Variants in UBN2 observed in about 807,000 individuals in gnomAD.
UBN2 encodes the protein ubinuclein-2.
Under a neutral mutation model 120.2 loss-of-function variants are expected in UBN2, and 35 were observed. That is an observed-to-expected ratio of 0.29 (90% CI 0.22 to 0.39). UBN2 has a LOEUF of 0.39. Ranked by LOEUF, UBN2 falls within the 10% of genes least tolerant of loss-of-function variation. UBN2 has a pLI of 1.00. For synonymous variants in UBN2, 661 were observed against 648.7 expected, an observed-to-expected ratio of 1.02 and a Z score of -0.29; for missense variants, 1,693 against 1,663.2, an observed-to-expected ratio of 1.02 and a Z score of -0.31.
chr7:139,274,730 C>G (rs1797388420), intron 11 of UBN2, among the ~76,000 whole-genome samples: 1 of 151,054 alleles, frequency 6.6e-6, no homozygotes, highest in Non-Finnish European at 1.5e-5. Flanking sequence ...CCATTGCACT[C>G]CAGCCTGGGC....
At chr7:139,272,944 G>A (rs192372081) in intron 9 of UBN2, among the ~76,000 whole-genome samples, 2 of 152,334 alleles carry the variant, frequency 1.3e-5, no homozygotes, top group Non-Finnish European at 2.9e-5. Flanking sequence ...GCACTCAGTT[G>A]CTTTGCAGTC....
intron 1 of UBN2, among the ~76,000 whole-genome samples, chr7:139,234,972 A>G (rs986630013): frequency 7.9e-5 from 12 of 152,168 alleles, no homozygotes; most frequent in African/African-American, 2.9e-4. Flanking sequence ...CTGAAAAAAC[A>G]AAAAAGCTTA....
chr7:139,269,389 G>T lies in UBN2; in HGVS notation c.1467-5G>T. On this transcript the variant is annotated splice_polypyrimidine_tract_variant and splice_region_variant and intron_variant, in intron 7 of 17. Coordinates refer to ENST00000473989, the MANE Select transcript of UBN2 (RefSeq NM_173569.4). ...CTGTTCATTGTTGTTAACTTTTTTGGCCAGCATTGAGTTACAGCTACAAGA... is the reference window on the plus strand; with the variant it reads ...CTGTTCATTGTTGTTAACTTTTTTGTCCAGCATTGAGTTACAGCTACAAGA... 6.2e-7 allele frequency: 1 copy of T among 1,610,342 alleles called. No homozygotes were observed. The highest frequency in any genetic ancestry group is 8.5e-7 in the Non-Finnish European group (1 of 1,178,962).
chr7:139,269,971 C>T (rs1388615688), intron 8 of UBN2, among the ~76,000 whole-genome samples: 2 of 152,000 alleles, frequency 1.3e-5, no homozygotes, highest in East Asian at 3.9e-4. Flanking sequence ...ATTACCCTGG[C>T]CATTTTTTAA....
downstream of UBN2, among the ~76,000 whole-genome samples, chr7:139,312,902 A>G (rs143613280): frequency 2.4e-4 from 36 of 152,268 alleles, no homozygotes; most frequent in East Asian, 5.8e-3. Context: ...TAACAGATCA[A>G]TATTTCTCCC....
intron 2 of UBN2, among the ~76,000 whole-genome samples, chr7:139,244,079 CCT>C (rs1460216585): frequency 6.6e-6 from 1 of 152,094 alleles, no homozygotes; most frequent in Non-Finnish European, 1.5e-5. Context: ...CCTTCCTACC[CCT>C]GACTCCCAGC....
Position 139,284,324 on chromosome 7 carries a change from C to CA in UBN2, c.3425dup (p.Asn1142LysfsTer35). ...AGTCGCACTTCAGGCCTTCCACCTA[C>CA]AAAAAATCTTCAGGCCCCCTCAAAG... On this transcript the variant is annotated frameshift_variant, in exon 15 of 18. Transcript: ENST00000473989. LOFTEE classifies it high-confidence loss of function. 6.2e-7 allele frequency: 1 copy of CA among 1,614,130 alleles called. No homozygotes were observed. The highest frequency in any genetic ancestry group is 8.5e-7 in the Non-Finnish European group (1 of 1,180,022).
rs1012677803 is a variant in UBN2 at position 139,305,818 on chromosome 7, ACTTCCT to A, written c.*7986_*7991del. ...CTACTGTATAATGCGGCATTTCATG[ACTTCCT>A]CTTGTTACTTTTCAAGGTTATTCTA... On this transcript the variant is annotated 3_prime_UTR_variant, in exon 18 of 18. Coordinates refer to ENST00000473989, the MANE Select transcript of UBN2 (RefSeq NM_173569.4). 17 of 152,042 alleles carry A rather than the reference ACTTCCT, an allele frequency of 1.1e-4. 1 individual carries two copies. The highest frequency in any genetic ancestry group is 4.1e-4 in the African/African-American group (17 of 41,446). The allele number at this position is 152,042 out of a possible 1,614,324, so 9.4% of individuals were successfully genotyped here. A position where few individuals can be genotyped will look rare whatever the true frequency, so the allele number is the denominator to read the frequency against.
At position 139,305,649 on chromosome 7, in the gene UBN2, T is replaced by TA. The variant is rs562737424; in HGVS notation, c.*7816dup. 9 of 152,318 alleles carry TA rather than the reference T, an allele frequency of 5.9e-5. No homozygotes were observed. Among genetic ancestry groups the TA allele is most frequent in the African/African-American group, 2.2e-4 (9 of 41,578 alleles). The allele number at this position is 152,318 out of a possible 1,614,324, so 9.4% of individuals were successfully genotyped here. ...AACTTCGGACACTTTTCCAAACTGTTAAACAAGTCAGGAATGCTTTTCAGA... is the reference window on the plus strand; with the variant it reads ...AACTTCGGACACTTTTCCAAACTGTTAAAACAAGTCAGGAATGCTTTTCAGA... On this transcript the variant is annotated 3_prime_UTR_variant, in exon 18 of 18. Transcript: ENST00000473989.
chr7:139,281,946 A>AGCTTTTTT (rs1797623262), intron 13 of UBN2, 59 bp from the exon 14 acceptor site: 6 of 1,544,180 alleles, frequency 3.9e-6, no homozygotes, highest in Non-Finnish European at 5.4e-6. Context: ...CTTAGAAAAA[A>AGCTTTTTT]TACTAAGGAA....
In UBN2 at chr7:139,294,816, G is replaced by C. The variant is rs527876929; in HGVS notation, c.3994+835G>C. On this transcript the variant is annotated intron_variant, in intron 17 of 17. Coordinates refer to ENST00000473989, the MANE Select transcript of UBN2 (RefSeq NM_173569.4). ...AGATCACGCCACTGCACTCCAGCCT[G>C]TGCAACAGAGTAAGACTCCGTCTCA... 4.6e-3 allele frequency among the ~76,000 whole-genome samples: 694 copies of C among 152,288 alleles called. 8 individuals carry two copies. The highest frequency in any genetic ancestry group is 6.7e-3 in the Non-Finnish European group (458 of 68,018).
chr7:139,313,942 G>A, the UBN2 span, among the ~76,000 whole-genome samples: 9 of 151,058 alleles, frequency 6.0e-5, no homozygotes, highest in Non-Finnish European at 8.9e-5. Flanking sequence ...TCCGCCTCCT[G>A]GGTTCAAGTG....
At chr7:139,261,801 T>C (rs1796944079) in intron 6 of UBN2, 60 bp downstream of exon 6, 1 of 1,512,104 alleles carries the variant, frequency 6.6e-7, no homozygotes, top group East Asian at 2.3e-5. Context: ...TTAATGCTTT[T>C]GTTCGTTTGT....
rs1385861872 is a variant in UBN2 at position 139,231,256 on chromosome 7, G to A, written c.-229G>A. On this transcript the variant is annotated 5_prime_UTR_variant, in exon 1 of 18. Coordinates refer to ENST00000473989, the MANE Select transcript of UBN2 (RefSeq NM_173569.4). ...AGCGGCCTGCTTCTATTTATGTGGG[G>A]GATCCAACATGGCGGCCGCGGCGAC... is the stretch of plus-strand genomic sequence containing the variant. Among the ~76,000 whole-genome samples, 1 of 152,266 alleles carries A rather than the reference G, an allele frequency of 6.6e-6. No homozygotes were observed. The highest frequency in any genetic ancestry group is 1.5e-5 in the Non-Finnish European group (1 of 68,050).
chr7:139,323,130 T>C, the UBN2 span, among the ~76,000 whole-genome samples: 1 of 152,072 alleles, frequency 6.6e-6, no homozygotes, highest in Admixed American at 6.6e-5. Context: ...AACTACTATG[T>C]AATGGAAAGA....
chr7:139,278,610 G>A (rs1263011246), intron 12 of UBN2, among the ~76,000 whole-genome samples: 1 of 150,966 alleles, frequency 6.6e-6, no homozygotes, highest in Non-Finnish European at 1.5e-5. Flanking sequence ...TCCCTAAATG[G>A]CCTTCATAAA....
chr7:139,261,602 G>T lies in UBN2; in HGVS notation c.1256G>T (p.Ser419Ile). The T allele has an allele frequency of 1.9e-6, 3 of 1,614,218 alleles. No homozygotes were observed. Among genetic ancestry groups the T allele is most frequent in the Non-Finnish European group, 2.5e-6 (3 of 1,180,040 alleles). The change falls in exon 6 of 18, where the codon AGC (serine) becomes ATC (isoleucine). Residue 419 changes from serine to isoleucine, a missense_variant. Coordinates refer to ENST00000473989, the MANE Select transcript of UBN2 (RefSeq NM_173569.4). ...DRLLDAASDG[S>I]PLSESGGENG... ...TTACTGGATGCTGCTTCTGATGGTA[G>T]CCCCCTATCTGAGTCGGGGGGTGAA...
intron 15 of UBN2, among the ~76,000 whole-genome samples, chr7:139,290,217 A>T (rs1218146734): frequency 6.6e-6 from 1 of 152,190 alleles, no homozygotes; most frequent in Admixed American, 6.5e-5. Flanking sequence ...TACAGGCATG[A>T]GCCACCGTGC....
chr7:139,283,941 C>G lies in UBN2; in HGVS notation c.3036C>G (p.Asn1012Lys). Reference protein sequence around the residue: ...RTVPSTTTSSNYLAKAMVSQI... With the variant: ...RTVPSTTTSSKYLAKAMVSQI... The stretch of plus-strand genomic sequence containing the variant: ...TACCTAGCACCACTACCTCCAGTAA[C>G]TATTTAGCCAAGGCTATGGTGTCAC... The change falls in exon 15 of 18, where the codon AAC becomes AAG. Residue 1012 changes from asparagine (N) to lysine (K), a missense_variant. Physicochemically the swap from Asn to Lys is moderately conservative, Grantham distance 94. This residue lies in a region of UBN2 where 837 missense variants were observed against 817.6 expected (regional missense o/e 1.02). Transcript: ENST00000473989. The G allele has an allele frequency of 6.2e-7, 1 of 1,614,124 alleles. No individual in the cohort carries two copies. Among genetic ancestry groups the G allele is most frequent in the Non-Finnish European group, 8.5e-7 (1 of 1,180,024 alleles).
Sources: gnomAD v4.1 joint callset for allele counts (sites outside exome capture counted in the v4.1 genomes callset) on GRCh38, gnomAD v4.1.1 for gene constraint, gnomAD v4.1.1 regional missense constraint, MANE v1.5 for transcripts, NCBI Gene and HGNC (gene_info 2026-07-23, HGNC 2026-07-21) for gene names.